PDLIM5: variants seen among roughly 807,000 people sequenced by gnomAD.
PDLIM5 encodes the protein PDZ and LIM domain 5, also known as PDZ and LIM domain protein 5.
PDLIM5 carries 34 observed loss-of-function variants against 64.2 expected under a neutral mutation model. The observed-to-expected ratio is 0.53, with a 90% CI of 0.40 to 0.71. PDLIM5 has a LOEUF of 0.71. Among genes scored for constraint, PDLIM5 ranks in the 30% least tolerant of loss-of-function variants. The pLI is 0.00. For missense variants in PDLIM5, 683 were observed against 733.6 expected, an observed-to-expected ratio of 0.93 and a Z score of 0.80; for synonymous variants, 253 against 269.1, an observed-to-expected ratio of 0.94 and a Z score of 0.59.
At chr4:94,552,689 T>A (rs1225190051) in intron 3 of PDLIM5, among the ~76,000 whole-genome samples, 1 of 152,066 alleles carries the variant, frequency 6.6e-6, no homozygotes. Flanking sequence ...AGCCCAAATA[T>A]GACATTTTTC....
At chr4:94,484,927 G>T (rs772498268) in intron 2 of PDLIM5, among the ~76,000 whole-genome samples, 1 of 152,130 alleles carries the variant, frequency 6.6e-6, no homozygotes, top group Non-Finnish European at 1.5e-5. Context: ...GACATGGGGA[G>T]CGTCTATGTT....
chr4:94,613,840 CTAATT>C (rs1422796821), intron 7 of PDLIM5, among the ~76,000 whole-genome samples: 1 of 151,688 alleles, frequency 6.6e-6, no homozygotes, highest in Non-Finnish European at 1.5e-5. Flanking sequence ...AAATAGCAAT[CTAATT>C]TAAGTAACAA....
chr4:94,474,376 G>A (rs916105630), intron 2 of PDLIM5, among the ~76,000 whole-genome samples: 8 of 151,766 alleles, frequency 5.3e-5, no homozygotes, highest in African/African-American at 1.9e-4. Flanking sequence ...TCAGCCTCCC[G>A]AGCGGCTGGG....
intron 2 of PDLIM5, among the ~76,000 whole-genome samples, chr4:94,488,291 G>A (rs564556440): frequency 7.2e-4 from 109 of 152,258 alleles, no homozygotes; most frequent in African/African-American, 2.6e-3. Context: ...TAGCCAAAGA[G>A]CTGCTGTTCC....
chr4:94,540,922 G>A (rs1485693694), intron 3 of PDLIM5, among the ~76,000 whole-genome samples: 1 of 152,202 alleles, frequency 6.6e-6, no homozygotes, highest in Non-Finnish European at 1.5e-5. Flanking sequence ...TTTCAGGAGT[G>A]TTTGCTGTAG....
chr4:94,511,366 G>A (rs562289292), intron 2 of PDLIM5, among the ~76,000 whole-genome samples: 2 of 151,188 alleles, frequency 1.3e-5, no homozygotes, highest in East Asian at 1.9e-4. Context: ...TATATTTATC[G>A]GGTACCTGAG....
chr4:94,605,524 C>G (rs1336174878), intron 7 of PDLIM5, among the ~76,000 whole-genome samples: 1 of 152,160 alleles, frequency 6.6e-6, no homozygotes, highest in Non-Finnish European at 1.5e-5. Flanking sequence ...TGCAGATATG[C>G]TATTAATCAG....
intron 3 of PDLIM5, among the ~76,000 whole-genome samples, chr4:94,533,425 T>A (rs765761296): frequency 2.0e-5 from 3 of 152,212 alleles, no homozygotes; most frequent in Admixed American, 6.5e-5. Flanking sequence ...TCTTTAAAAA[T>A]TTTTTTGGAT....
chr4:94,577,571 T>C (rs1343945891), intron 5 of PDLIM5: 2 of 164,998 alleles, frequency 1.2e-5, no homozygotes, highest in African/African-American at 2.5e-5. Context: ...CAGGAGTGTT[T>C]GGTCGTAATC....
At chr4:94,573,316 A>ATTTTTTTTTTTTTTTTTT (rs544551383) in intron 3 of PDLIM5, 35 bp from the exon 4 acceptor site, 1 of 1,467,838 alleles carries the variant, frequency 6.8e-7, no homozygotes, top group Non-Finnish European at 9.4e-7. Flanking sequence ...AAAATTCATT[A>ATTTTTTTTTTTTTTTTTT]TTTTTTTTTT....
At chr4:94,490,235 A>G (rs1726747780) in intron 2 of PDLIM5, among the ~76,000 whole-genome samples, 1 of 152,044 alleles carries the variant, frequency 6.6e-6, no homozygotes, top group African/African-American at 2.4e-5. Flanking sequence ...TGACTAAAAT[A>G]TTATAAACTC....
rs939578477 is a variant in PDLIM5, at chr4:94,559,848, G to A, written c.249-13503G>A. On this transcript the variant is annotated intron_variant, in intron 3 of 12. Coordinates refer to ENST00000317968, the MANE Select transcript of PDLIM5 (RefSeq NM_006457.5). ...AAATGAAAAAGGAAGAAACATGTTG[G>A]ATACACAGTAATATACATGTTTTTG... Among the ~76,000 whole-genome samples the A allele has an allele frequency of 3.9e-5, 6 of 152,282 alleles. No individual in the cohort carries two copies. The East Asian group carries it at 7.7e-4, about 20-fold the overall frequency.
intron 2 of PDLIM5, among the ~76,000 whole-genome samples, chr4:94,463,897 A>G (rs1724114936): frequency 6.6e-6 from 1 of 152,186 alleles, no homozygotes; most frequent in African/African-American, 2.4e-5. Flanking sequence ...AAGTTAACTG[A>G]AATCAGGTAG....
At position 94,667,966 on chromosome 4, in the gene PDLIM5, A is replaced by G. The variant is rs1743159618; in HGVS notation, c.*3899A>G. On this transcript the variant is annotated 3_prime_UTR_variant, in exon 13 of 13. Coordinates refer to ENST00000317968, the MANE Select transcript of PDLIM5 (RefSeq NM_006457.5). ...ACATGAAGCAAGGGAAACATACTGA[A>G]TAGTTTTACACAAATTTGATCTGGC... The G allele has an allele frequency of 6.6e-6, 1 of 152,192 alleles. No homozygotes were observed. The highest frequency in any genetic ancestry group is 1.5e-5 in the Non-Finnish European group (1 of 68,030). The allele number at this position is 152,192 out of a possible 1,614,324, so 9.4% of individuals were successfully genotyped here. A position where few individuals can be genotyped will look rare whatever the true frequency, so the allele number is the denominator to read the frequency against.
At chr4:94,593,512 G>A (rs1215961046) in intron 7 of PDLIM5, among the ~76,000 whole-genome samples, 1 of 152,012 alleles carries the variant, frequency 6.6e-6, no homozygotes, top group Non-Finnish European at 1.5e-5. Context: ...CTTTTTCTCT[G>A]TGGGGGCACA....
intron 2 of PDLIM5, among the ~76,000 whole-genome samples, chr4:94,476,276 C>T (rs2126099602): frequency 6.6e-6 from 1 of 152,120 alleles, no homozygotes; most frequent in Non-Finnish European, 1.5e-5. Context: ...TTTTAGTTAA[C>T]CCAAACCTTT....
intron 3 of PDLIM5, among the ~76,000 whole-genome samples, chr4:94,536,834 T>C (rs182991122): frequency 6.6e-6 from 1 of 152,330 alleles, no homozygotes; most frequent in Non-Finnish European, 1.5e-5. Flanking sequence ...CCCAACTGTT[T>C]TCCAGTGGCT....
At chr4:94,499,094 G>A (rs1256916890) in intron 2 of PDLIM5, among the ~76,000 whole-genome samples, 1 of 152,096 alleles carries the variant, frequency 6.6e-6, no homozygotes, top group Non-Finnish European at 1.5e-5. Flanking sequence ...TTTGAGATAA[G>A]ATTGGTTAGA....
chr4:94,562,621 A>T (rs1326391816), intron 3 of PDLIM5, among the ~76,000 whole-genome samples: 2 of 152,188 alleles, frequency 1.3e-5, no homozygotes, highest in African/African-American at 4.8e-5. Context: ...GTCCCATTGA[A>T]CAAGTATAGT....
Sources: gnomAD v4.1 joint callset for allele counts (sites outside exome capture counted in the v4.1 genomes callset) on GRCh38, gnomAD v4.1.1 for gene constraint, MANE v1.5 for transcripts, NCBI Gene and HGNC (gene_info 2026-07-23, HGNC 2026-07-21) for gene names.